The following IGSF21 variants were observed in gnomAD, a reference collection of about 807,000 sequenced individuals.
IGSF21 encodes immunoglobulin superfamily member 21.
In IGSF21, 28 loss-of-function variants were observed where a neutral mutation model predicts 46.8. The observed-to-expected ratio is 0.60, with a 90% CI of 0.44 to 0.82. The LOEUF (loss-of-function observed/expected upper bound fraction) is 0.82. IGSF21 is among the 40% of genes least tolerant of loss of function. IGSF21 has a pLI of 0.00. For synonymous variants in IGSF21, 284 were observed against 273.6 expected, an observed-to-expected ratio of 1.04 and a Z score of -0.38; for missense variants, 624 against 665.5, an observed-to-expected ratio of 0.94 and a Z score of 0.69.
At chr1:18,138,562 G>A (rs1210503891) in intron 1 of IGSF21, among the ~76,000 whole-genome samples, 1 of 152,158 alleles carries the variant, frequency 6.6e-6, no homozygotes, top group Non-Finnish European at 1.5e-5. Context: ...AACTGATGCG[G>A]TTTTCACTTT....
At chr1:18,232,387 A>G (rs575545454) in intron 2 of IGSF21, among the ~76,000 whole-genome samples, 1 of 152,288 alleles carries the variant, frequency 6.6e-6, no homozygotes, top group Non-Finnish European at 1.5e-5. Context: ...CTTATTTATT[A>G]ATGCTGCTTA....
intron 3 of IGSF21, among the ~76,000 whole-genome samples, chr1:18,317,892 G>C (rs1427119067): frequency 2.0e-5 from 3 of 152,198 alleles, no homozygotes; most frequent in Non-Finnish European, 4.4e-5. Flanking sequence ...ATTGTAAGGT[G>C]AGGAGATGGA....
intron 1 of IGSF21, among the ~76,000 whole-genome samples, chr1:18,202,577 A>AAG (rs147654635): frequency 0.014 from 2,149 of 149,106 alleles, 43 homozygotes; most frequent in African/African-American, 0.047. Flanking sequence ...TGGCAGGAGA[A>AAG]AGAGAGAGAG....
chr1:18,352,155 G>A (rs1291724674), intron 4 of IGSF21, among the ~76,000 whole-genome samples: 2 of 152,166 alleles, frequency 1.3e-5, no homozygotes, highest in East Asian at 3.9e-4. Flanking sequence ...CTCTGCTGAG[G>A]CCTGGGGTAG....
chr1:18,153,160 C>A (rs903694424), intron 1 of IGSF21, among the ~76,000 whole-genome samples: 2 of 152,142 alleles, frequency 1.3e-5, no homozygotes, highest in African/African-American at 4.8e-5. Context: ...TGCTCCCAGC[C>A]GCTCTGCTGG....
intron 2 of IGSF21, among the ~76,000 whole-genome samples, chr1:18,265,987 C>T (rs942807177): frequency 6.6e-6 from 1 of 152,118 alleles, no homozygotes; most frequent in South Asian, 2.1e-4. Flanking sequence ...TTTAATGCAG[C>T]CTTGATGAAG....
chr1:18,221,310 G>A (rs1187345006), intron 1 of IGSF21, among the ~76,000 whole-genome samples: 6 of 152,094 alleles, frequency 3.9e-5, no homozygotes, highest in African/African-American at 7.2e-5. Flanking sequence ...AAAGTCTCTC[G>A]TCCCAGGAAA....
intron 2 of IGSF21, among the ~76,000 whole-genome samples, chr1:18,232,327 T>C (rs1473763603): frequency 6.6e-6 from 1 of 150,748 alleles, no homozygotes; most frequent in African/African-American, 2.4e-5. Context: ...AAATGAATAA[T>C]AAATAATGTT....
chr1:18,228,482 C>T (rs1351281211), intron 2 of IGSF21, among the ~76,000 whole-genome samples: 1 of 152,186 alleles, frequency 6.6e-6, no homozygotes, highest in East Asian at 1.9e-4. Context: ...TGGTGTCTGG[C>T]ACCATCTGAG....
intron 1 of IGSF21, among the ~76,000 whole-genome samples, chr1:18,160,051 G>A (rs1002344150): frequency 4.6e-5 from 7 of 152,136 alleles, no homozygotes; most frequent in Admixed American, 2.6e-4. Flanking sequence ...AAATCTTGAC[G>A]TGGTCCAGGT....
At chr1:18,185,988 T>C (rs931437944) in intron 1 of IGSF21, among the ~76,000 whole-genome samples, 12 of 152,112 alleles carry the variant, frequency 7.9e-5, no homozygotes, top group Non-Finnish European at 1.8e-4. Flanking sequence ...TGGTGGAAAG[T>C]GCCTAGCCAA....
At chr1:18,255,924 A>T (rs1357396595) in intron 2 of IGSF21, among the ~76,000 whole-genome samples, 1 of 152,176 alleles carries the variant, frequency 6.6e-6, no homozygotes, top group Non-Finnish European at 1.5e-5. Flanking sequence ...GCTAGAGGGA[A>T]CTTTCAAGAT....
intron 2 of IGSF21, among the ~76,000 whole-genome samples, chr1:18,273,758 C>T (rs920411379): frequency 1.7e-4 from 26 of 151,540 alleles, no homozygotes; most frequent in Admixed American, 1.3e-3. Flanking sequence ...TCTTGAACTT[C>T]CTCTCTCCCA....
intron 2 of IGSF21, among the ~76,000 whole-genome samples, chr1:18,281,071 C>A (rs969606788): frequency 4.1e-5 from 4 of 97,906 alleles, no homozygotes; most frequent in Non-Finnish European, 8.9e-5. Flanking sequence ...GATGACCCCT[C>A]TGTCCACAGG....
chr1:18,292,085 C>A, intron 3 of IGSF21, 98 bp downstream of exon 3: 4 of 1,302,852 alleles, frequency 3.1e-6, no homozygotes, highest in East Asian at 2.4e-5. Flanking sequence ...ATCAATCCCT[C>A]GGTGCTCTTG....
intron 2 of IGSF21, among the ~76,000 whole-genome samples, chr1:18,234,351 A>G (rs181123358): frequency 6.6e-6 from 1 of 152,312 alleles, no homozygotes; most frequent in East Asian, 1.9e-4. Flanking sequence ...TATCAGTCAC[A>G]TGGGAAGGAA....
chr1:18,222,968 A>C (rs1364437668), intron 1 of IGSF21, among the ~76,000 whole-genome samples: 1 of 152,150 alleles, frequency 6.6e-6, no homozygotes, highest in Non-Finnish European at 1.5e-5. Flanking sequence ...CTTGCCTGGC[A>C]CATCTGTTGG....
chr1:18,164,471 C>T (rs913846829), intron 1 of IGSF21, among the ~76,000 whole-genome samples: 2 of 151,748 alleles, frequency 1.3e-5, no homozygotes, highest in Non-Finnish European at 2.9e-5. Context: ...GATAAATTGC[C>T]CTCTACAGAG....
At chr1:18,281,097 G>T (rs1390920653) in intron 2 of IGSF21, among the ~76,000 whole-genome samples, 1 of 93,264 alleles carries the variant, frequency 1.1e-5, no homozygotes, top group Non-Finnish European at 2.4e-5. Flanking sequence ...CCTGCAGGAG[G>T]TGTTTATGAA....
Sources: allele counts gnomAD v4.1 joint callset (sites outside exome capture counted in the v4.1 genomes callset), GRCh38; gene constraint gnomAD v4.1.1; transcripts MANE v1.5; gene names NCBI Gene and HGNC (gene_info 2026-07-23, HGNC 2026-07-21).